The following MINAR1 variants were observed in gnomAD, a reference collection of about 807,000 sequenced individuals.
MINAR1 encodes major intrinsically disordered Notch2-binding receptor 1.
In MINAR1, 40 loss-of-function variants were observed where a neutral mutation model predicts 65.1. That is an observed-to-expected ratio of 0.61 (90% confidence interval 0.48 to 0.80). MINAR1 has a LOEUF of 0.80. MINAR1 is among the 30% of genes least tolerant of loss of function. The probability of loss-of-function intolerance (pLI) is 0.00; values close to 1 mark genes in which losing one functional copy is unlikely to be tolerated. For missense variants in MINAR1, 1,128 were observed against 1,148.0 expected (o/e 0.98, Z 0.25); for synonymous variants, 482 against 449.1 (o/e 1.07, Z -0.93).
At chr15:79,459,395 C>T (rs895537094) in intron 2 of MINAR1, among the ~76,000 whole-genome samples, 4 of 152,186 alleles carry the variant, frequency 2.6e-5, no homozygotes, top group African/African-American at 9.7e-5. Flanking sequence ...CTTTCTTTCT[C>T]TCACCCCCTG....
Position 79,468,278 on chromosome 15 carries a change from C to A in MINAR1, c.2645C>A (p.Ala882Asp). ...GYDSLLKRKE[A>D]EFRRAKVCKI... ...GATTCATTACTAAAACGTAAAGAAG[C>A]CGAATTCAGACGAGCCAAGGTCTGC... is the stretch of plus-strand genomic sequence containing the variant. Residue 882 changes from alanine (A) to aspartate (D), a missense_variant, in exon 4 of 4, where the codon GCC becomes GAC. Coordinates refer to ENST00000305428, the MANE Select transcript of MINAR1 (RefSeq NM_015206.3). The A allele has an allele frequency of 3.1e-6, 5 of 1,614,072 alleles. No individual in the cohort carries two copies. Among genetic ancestry groups the A allele is most frequent in the Non-Finnish European group, 4.2e-6 (5 of 1,179,952 alleles).
chr15:79,463,573 C>T (rs1595954168), intron 3 of MINAR1: 2 of 652,296 alleles, frequency 3.1e-6, no homozygotes, highest in East Asian at 2.9e-5. Flanking sequence ...TTTTTATCGG[C>T]CATCTGATTT....
At chr15:79,421,623 T>A in the MINAR1 span, 2 of 152,202 alleles carry the variant, frequency 1.3e-5, no homozygotes, top group African/African-American at 2.4e-5. Context: ...CTCCCCCTAC[T>A]CTTAGAAATG....
intron 1 of MINAR1, among the ~76,000 whole-genome samples, chr15:79,444,815 AT>A (rs1392550217): frequency 6.6e-6 from 1 of 151,908 alleles, no homozygotes; most frequent in Non-Finnish European, 1.5e-5. Flanking sequence ...TTTTTTAAAA[AT>A]TTGTATCATA....
At chr15:79,429,648 T>A (rs776032933), upstream of MINAR1, among the ~76,000 whole-genome samples, 2 of 152,230 alleles carry the variant, frequency 1.3e-5, no homozygotes, top group African/African-American at 4.8e-5. Context: ...AACATTTTTT[T>A]AAACTACTTA....
chr15:79,438,023 G>A (rs1327364084), intron 1 of MINAR1, among the ~76,000 whole-genome samples: 3 of 8,464 alleles, frequency 3.5e-4, no homozygotes, highest in African/African-American at 7.1e-4. Flanking sequence ...TGTGGGTGTG[G>A]GAGGGTAGTG....
At chr15:79,427,308 T>C in the MINAR1 span, 2 of 152,140 alleles carry the variant, frequency 1.3e-5, no homozygotes, top group Non-Finnish European at 2.9e-5. Context: ...GGAAAAATAA[T>C]GAGTACTAGG....
intron 1 of MINAR1, among the ~76,000 whole-genome samples, chr15:79,446,165 A>G (rs940654417): frequency 4.6e-5 from 7 of 152,108 alleles, no homozygotes; most frequent in African/African-American, 1.7e-4. Flanking sequence ...ATAATTACTC[A>G]TAACTTTTTT....
chr15:79,419,231 A>T, the MINAR1 span: 1 of 152,268 alleles, frequency 6.6e-6, no homozygotes, highest in South Asian at 2.1e-4. Context: ...CTGCCCCGGG[A>T]TTATTCTCAG....
In MINAR1 at chr15:79,457,268, A is replaced by G. The variant is rs2141295205; in HGVS notation, c.1121A>G (p.Glu374Gly). ...GCCAAAAGCTGGAGCCTAAACACAG[A>G]GGAAGTTCCTGACTTTGAACGGTCC... ...WPAKSWSLNT[E>G]EVPDFERSFF... Residue 374 changes from glutamate (E) to glycine (G), a missense_variant, in exon 2 of 4, where the codon GAG becomes GGG. Physicochemically the swap from Glu to Gly is moderately conservative, Grantham distance 98 (BLOSUM62 -2). Coordinates refer to ENST00000305428, the MANE Select transcript of MINAR1 (RefSeq NM_015206.3). 1.2e-6 allele frequency: 2 copies of G among 1,614,214 alleles called. No homozygotes were observed. The highest frequency in any genetic ancestry group is 1.7e-6 in the Non-Finnish European group (2 of 1,180,044).
At chr15:79,419,135 T>C in the MINAR1 span, 3 of 152,164 alleles carry the variant, frequency 2.0e-5, no homozygotes, top group African/African-American at 7.2e-5. Flanking sequence ...TCTTAGCTAT[T>C]GTGGGGATGG....
At chr15:79,412,492 C>G in the MINAR1 span, 2 of 152,416 alleles carry the variant, frequency 1.3e-5, no homozygotes, top group Non-Finnish European at 2.9e-5. Flanking sequence ...GAGCAGCCAC[C>G]CTTGCCTGCA....
chr15:79,449,406 G>A (rs7173753), intron 1 of MINAR1, among the ~76,000 whole-genome samples: 44,247 of 152,102 alleles, frequency 0.29, 7,626 homozygotes, highest in African/African-American at 0.49. Flanking sequence ...TAATTTATAA[G>A]GAACAGAAAT....
rs1228164245 is a variant in MINAR1 at position 79,457,671 on chromosome 15, CGAT to C, written c.1527_1529del (p.Asp510del). 18 of 1,614,026 alleles carry C rather than the reference CGAT, an allele frequency of 1.1e-5. No individual in the cohort carries two copies. Among genetic ancestry groups the C allele is most frequent in the Non-Finnish European group, 1.5e-5 (18 of 1,180,022 alleles). Reference sequence around the variant, plus strand: ...ACAGGCACACCATGAAGCACTCAGACGATGACTCAGAAATTGTCAGCGACGACA... The same window carrying C: ...ACAGGCACACCATGAAGCACTCAGACGACTCAGAAATTGTCAGCGACGACA... On this transcript the variant is annotated inframe_deletion, in exon 2 of 4. Coordinates refer to ENST00000305428, the MANE Select transcript of MINAR1 (RefSeq NM_015206.3).
chr15:79,470,575 C>T lies in MINAR1; in HGVS notation c.*2191C>T, dbSNP rs1172565998. The T allele has an allele frequency of 6.6e-6, 1 of 152,174 alleles. No individual in the cohort carries two copies. Among genetic ancestry groups the T allele is most frequent in the Non-Finnish European group, 1.5e-5 (1 of 68,056 alleles). The allele number at this position is 152,174 out of a possible 1,614,324, so 9.4% of individuals were successfully genotyped here. On this transcript the variant is annotated 3_prime_UTR_variant, in exon 4 of 4. Coordinates refer to ENST00000305428, the MANE Select transcript of MINAR1 (RefSeq NM_015206.3). The stretch of plus-strand genomic sequence containing the variant: ...TGGTGAATCTATTCCTAGTGGACCC[C>T]ATTTGGGCATGTGCCTAGCTACCTT...
chr15:79,466,261 G>A, intron 3 of MINAR1, among the ~76,000 whole-genome samples: 1 of 152,176 alleles, frequency 6.6e-6, no homozygotes, highest in Non-Finnish European at 1.5e-5. Context: ...GTGATGCCTA[G>A]ATCCCCTTCT....
chr15:79,469,320 C>T lies in MINAR1; in HGVS notation c.*936C>T, dbSNP rs903608139. 6.6e-6 allele frequency: 1 copy of T among 152,564 alleles called. No homozygotes were observed. Among genetic ancestry groups the T allele is most frequent in the Non-Finnish European group, 1.5e-5 (1 of 68,032 alleles). 9.5% of individuals were successfully genotyped at this position (152,564 alleles called of 1,614,324 possible). Reference sequence around the variant, plus strand: ...TTGAAGAGTAGAGACAATGGCTAAACGTTGACATTCTATCTGTAAACCATG... The same window carrying T: ...TTGAAGAGTAGAGACAATGGCTAAATGTTGACATTCTATCTGTAAACCATG... On this transcript the variant is annotated 3_prime_UTR_variant, in exon 4 of 4. Coordinates refer to ENST00000305428, the MANE Select transcript of MINAR1 (RefSeq NM_015206.3).
At chr15:79,439,604 CTGTT>C (rs754110939) in intron 1 of MINAR1, among the ~76,000 whole-genome samples, 22 of 151,894 alleles carry the variant, frequency 1.4e-4, no homozygotes, top group Middle Eastern at 3.4e-3. Context: ...TGGGCTCCCA[CTGTT>C]TGTGCCAATG....
intron 1 of MINAR1, among the ~76,000 whole-genome samples, chr15:79,434,880 C>T (rs1409995972): frequency 7.0e-6 from 1 of 143,834 alleles, no homozygotes; most frequent in East Asian, 1.9e-4. Context: ...CTTGTTTTCA[C>T]ATGTGTAAAA....
Sources: gnomAD v4.1 joint callset for allele counts (sites outside exome capture counted in the v4.1 genomes callset) on GRCh38, gnomAD v4.1.1 for gene constraint, MANE v1.5 for transcripts, NCBI Gene and HGNC (gene_info 2026-07-23, HGNC 2026-07-21) for gene names.